The following MYT1L variants were observed in gnomAD, a reference collection of about 807,000 sequenced individuals.
The protein encoded by MYT1L is myelin transcription factor 1 like, also known as myelin transcription factor 1-like protein.
A neutral mutation model predicts 126.7 loss-of-function variants in MYT1L; 12 were observed. That is an observed-to-expected ratio of 0.09 (90% confidence interval 0.06 to 0.15). The LOEUF (loss-of-function observed/expected upper bound fraction) is 0.15. MYT1L is among the 10% of genes least tolerant of loss of function. MYT1L has a pLI of 1.00. For synonymous variants in MYT1L, 541 were observed against 604.2 expected, an observed-to-expected ratio of 0.90 and a Z score of 1.53; for missense variants, 979 against 1,585.2, an observed-to-expected ratio of 0.62 and a Z score of 6.49.
chr2:2,311,593 C>T (rs897829245), intron 1 of MYT1L, among the ~76,000 whole-genome samples: 1 of 152,152 alleles, frequency 6.6e-6, no homozygotes, highest in Non-Finnish European at 1.5e-5. Flanking sequence ...TTCAGGTTGG[C>T]CTCCGTGTGA....
chr2:1,834,315 G>A lies in MYT1L; in HGVS notation c.3080+4834C>T, dbSNP rs545640137. On this transcript the variant is annotated intron_variant, in intron 21 of 24. Transcript: ENST00000647738. Reference sequence around the variant, plus strand: ...GTCCTGGCAGTCTGGGCAAGGCCAGGGCTTCCAAGGAAAGAGAAATGTCTA... The same window carrying A: ...GTCCTGGCAGTCTGGGCAAGGCCAGAGCTTCCAAGGAAAGAGAAATGTCTA... 2.0e-5 allele frequency among the ~76,000 whole-genome samples: 3 copies of A among 152,260 alleles called. No individual in the cohort carries two copies. The East Asian group carries it at 5.8e-4, about 29-fold the overall frequency.
At chr2:2,039,923 T>C (rs1254934523) in intron 4 of MYT1L, among the ~76,000 whole-genome samples, 2 of 151,750 alleles carry the variant, frequency 1.3e-5, no homozygotes, top group Non-Finnish European at 2.9e-5. Context: ...AGAAGCGAGG[T>C]GGCTAAGGGA....
intron 1 of MYT1L, among the ~76,000 whole-genome samples, chr2:2,309,655 G>A (rs1234743609): frequency 6.8e-6 from 1 of 146,954 alleles, no homozygotes; most frequent in South Asian, 2.2e-4. Flanking sequence ...TACTCCACCT[G>A]TACTTCAGTA....
rs964320689 is a variant in MYT1L at position 2,224,230 on chromosome 2, C to T, written c.-420-51242G>A. Among the ~76,000 whole-genome samples the T allele has an allele frequency of 2.0e-5, 3 of 152,114 alleles. No individual in the cohort carries two copies. The highest frequency in any genetic ancestry group is 4.4e-5 in the Non-Finnish European group (3 of 68,036). ...AGAATTCTGTGACGAGTTGGCCCCT[C>T]CTTGCCCATCTGAGAGCCCATTGTG... On this transcript the variant is annotated intron_variant, in intron 2 of 24. Coordinates refer to ENST00000647738, the MANE Select transcript of MYT1L (RefSeq NM_001303052.2). The surrounding 1 kb of genome is among the most constrained non-coding windows in gnomAD (Gnocchi z 4.0).
chr2:2,227,494 C>T (rs1475338207), intron 2 of MYT1L, among the ~76,000 whole-genome samples: 4 of 152,104 alleles, frequency 2.6e-5, no homozygotes, highest in Non-Finnish European at 5.9e-5. Flanking sequence ...CAGGATGGAG[C>T]CCAGGATGAG....
At chr2:2,269,166 G>A (rs1316442362) in intron 2 of MYT1L, among the ~76,000 whole-genome samples, 3 of 152,074 alleles carry the variant, frequency 2.0e-5, no homozygotes, top group African/African-American at 7.2e-5. Flanking sequence ...TAAAGGGTGA[G>A]GATTTTTAAA....
At chr2:2,148,130 C>T (rs1019883507) in intron 3 of MYT1L, among the ~76,000 whole-genome samples, 3 of 152,150 alleles carry the variant, frequency 2.0e-5, no homozygotes, top group African/African-American at 7.2e-5. Flanking sequence ...GCCCGCATGA[C>T]TTATCTGGAT....
rs377068527 is a variant in MYT1L, at chr2:1,952,728, CT to C, written c.153-9395del. 3.8e-3 allele frequency among the ~76,000 whole-genome samples: 129 copies of C among 33,624 alleles called. 5 individuals carry two copies. Among genetic ancestry groups the C allele is most frequent in the East Asian group, 6.9e-3 (6 of 866 alleles). 22.1% of individuals were successfully genotyped at this position (33,624 alleles called of 152,430 possible). A position where few individuals can be genotyped will look rare whatever the true frequency, so the allele number is the denominator to read the frequency against. ...TTCCTTCCCTTCCCTCCTTCCTTCCCTTCCCTCCTTCCTTCCCTTCCCTCCC... is the reference window on the plus strand; with the variant it reads ...TTCCTTCCCTTCCCTCCTTCCTTCCCTCCCTCCTTCCTTCCCTTCCCTCCC... On this transcript the variant is annotated intron_variant, in intron 8 of 24. Transcript: ENST00000647738.
chr2:1,848,820 G>A lies in MYT1L; in HGVS notation c.2774+2821C>T, dbSNP rs565883155. 6.6e-6 allele frequency among the ~76,000 whole-genome samples: 1 copy of A among 152,138 alleles called. No individual in the cohort carries two copies. The highest frequency in any genetic ancestry group is 1.5e-5 in the Non-Finnish European group (1 of 68,040). On this transcript the variant is annotated intron_variant, in intron 19 of 24. Transcript: ENST00000647738. This position sits in a 1 kb window ranked among gnomAD's most constrained non-coding sequence, Gnocchi z 4.8. ...GTCACGTGGAGGCAACACTTCTGCTGAGCAACGTGCCCAGCCCCGCTTAGA... is the reference window on the plus strand; with the variant it reads ...GTCACGTGGAGGCAACACTTCTGCTAAGCAACGTGCCCAGCCCCGCTTAGA...
intron 3 of MYT1L, among the ~76,000 whole-genome samples, chr2:2,111,469 G>C (rs1479858180): frequency 1.3e-5 from 2 of 152,228 alleles, no homozygotes; most frequent in Admixed American, 6.5e-5. Flanking sequence ...CTAGCAACCA[G>C]CATTACAAGG....
rs1322988018 is a variant in MYT1L at position 1,791,120 on chromosome 2, C to G, written c.*747G>C. 4.5e-6 allele frequency: 2 copies of G among 443,760 alleles called. No homozygotes were observed. Among genetic ancestry groups the G allele is most frequent in the African/African-American group, 4.1e-5 (2 of 48,690 alleles). 27.5% of individuals were successfully genotyped at this position (443,760 alleles called of 1,614,324 possible). On this transcript the variant is annotated 3_prime_UTR_variant, in exon 25 of 25. Coordinates refer to ENST00000647738, the MANE Select transcript of MYT1L (RefSeq NM_001303052.2). The surrounding 1 kb of genome is among the most constrained non-coding windows in gnomAD (Gnocchi z 6.0). The stretch of plus-strand genomic sequence containing the variant: ...AGTTAATTTAAAAGTGCTGTTTAAG[C>G]TGCTTTGAATCTTCTGCCAAGTTTC...
At chr2:1,835,118 G>A (rs548492939) in intron 21 of MYT1L, among the ~76,000 whole-genome samples, 65 of 152,128 alleles carry the variant, frequency 4.3e-4, no homozygotes, top group Non-Finnish European at 4.7e-4. Flanking sequence ...ACATACCATG[G>A]GGATGGATAC....
At chr2:1,968,051 T>C (rs1362768233) in intron 8 of MYT1L, among the ~76,000 whole-genome samples, 1 of 152,128 alleles carries the variant, frequency 6.6e-6, no homozygotes, top group African/African-American at 2.4e-5. Flanking sequence ...CACAGTCAAC[T>C]CCACCCACCT....
chr2:1,999,061 A>G (rs1208142190), intron 4 of MYT1L, among the ~76,000 whole-genome samples: 1 of 152,180 alleles, frequency 6.6e-6, no homozygotes, highest in Non-Finnish European at 1.5e-5. Context: ...ACCACTTACT[A>G]CTTCATGATT....
intron 21 of MYT1L, among the ~76,000 whole-genome samples, chr2:1,838,919 C>G (rs1296470076): frequency 2.0e-5 from 3 of 152,316 alleles, no homozygotes; most frequent in Non-Finnish European, 2.9e-5. Flanking sequence ...CTGCTGTGGT[C>G]ATCTATAGAT....
rs529383729 is a variant in MYT1L at position 1,790,047 on chromosome 2, T to C, written c.*1820A>G. 2.0e-5 allele frequency: 3 copies of C among 152,310 alleles called. No individual in the cohort carries two copies. Among genetic ancestry groups the C allele is most frequent in the South Asian group, 2.1e-4 (1 of 4,822 alleles). 9.4% of individuals were successfully genotyped at this position (152,310 alleles called of 1,614,324 possible). A position where few individuals can be genotyped will look rare whatever the true frequency, so the allele number is the denominator to read the frequency against. On this transcript the variant is annotated 3_prime_UTR_variant, in exon 25 of 25. Coordinates refer to ENST00000647738, the MANE Select transcript of MYT1L (RefSeq NM_001303052.2). ...CCTGTAGTCTCCCTTTGCAACATTA[T>C]TGATCAGCCGTGAGGGCTCCTCTAT...
At chr2:2,251,901 AAAGAAAAGAAAAAGAAAGAAAGAAAG>A (rs2094661689) in intron 2 of MYT1L, among the ~76,000 whole-genome samples, 1 of 151,956 alleles carries the variant, frequency 6.6e-6, no homozygotes, top group Admixed American at 6.6e-5. Context: ...GAAAAGAAAG[AAAGAAAAGAAAAAGAAAGAAAGAAAG>A]AAGAAAAGAA....
intron 2 of MYT1L, among the ~76,000 whole-genome samples, chr2:2,257,424 T>A (rs1020911491): frequency 2.0e-5 from 3 of 152,154 alleles, no homozygotes; most frequent in African/African-American, 7.2e-5. Flanking sequence ...ATGCCTGTAA[T>A]CTCAGCACTT....
At chr2:1,890,437 TA>T (rs936455640) in intron 15 of MYT1L, among the ~76,000 whole-genome samples, 4 of 152,056 alleles carry the variant, frequency 2.6e-5, no homozygotes, top group African/African-American at 9.7e-5. Flanking sequence ...CAGTTGTAGC[TA>T]AAAATACCTT....
Sources: allele counts gnomAD v4.1 joint callset (sites outside exome capture counted in the v4.1 genomes callset), GRCh38; gene constraint gnomAD v4.1.1; non-coding constraint Gnocchi (gnomAD v3.1); transcripts MANE v1.5; gene names NCBI Gene and HGNC (gene_info 2026-07-23, HGNC 2026-07-21).